NUP210L: variants seen among roughly 807,000 people sequenced by gnomAD.
NUP210L encodes the protein nucleoporin 210 like.
A neutral mutation model predicts 208.5 loss-of-function variants in NUP210L; 74 were observed. The observed-to-expected ratio is 0.35, with a 90% CI of 0.29 to 0.43. The LOEUF (loss-of-function observed/expected upper bound fraction) is 0.43. Ranked by LOEUF, NUP210L falls within the 20% of genes least tolerant of loss-of-function variation. NUP210L has a pLI of 1.00. For missense variants in NUP210L, 1,843 were observed against 2,289.4 expected (o/e 0.81, Z 3.98); for synonymous variants, 780 against 816.9 (o/e 0.95, Z 0.77).
At chr1:154,072,596 T>A (rs1654809101) in intron 16 of NUP210L, among the ~76,000 whole-genome samples, 1 of 151,948 alleles carries the variant, frequency 6.6e-6, no homozygotes, top group Non-Finnish European at 1.5e-5. Flanking sequence ...CCTCCCAAAG[T>A]GTTGGGATTA....
intron 27 of NUP210L, among the ~76,000 whole-genome samples, chr1:154,036,348 G>A (rs1437177252): frequency 7.5e-6 from 1 of 132,514 alleles, no homozygotes; most frequent in East Asian, 2.1e-4. Flanking sequence ...GTGTGTGTGT[G>A]TGTGTGTGTG....
At chr1:154,055,125 TTC>T (rs1481708767) in intron 23 of NUP210L, among the ~76,000 whole-genome samples, 1 of 18,632 alleles carries the variant, frequency 5.4e-5, no homozygotes, top group African/African-American at 2.3e-4. Flanking sequence ...TTTCTTTCTT[TTC>T]TTTCTTTCTT....
exon 31 of NUP210L, chr1:154,023,270 T>C (rs747417407): frequency 3.7e-6 from 6 of 1,611,436 alleles, no homozygotes; most frequent in Middle Eastern, 1.6e-4. Context: ...GGTTGGCTGC[T>C]CACTCGCAGG....
At chr1:154,037,482 A>T (rs562787289) in intron 27 of NUP210L, among the ~76,000 whole-genome samples, 16 of 152,064 alleles carry the variant, frequency 1.1e-4, no homozygotes, top group Non-Finnish European at 2.1e-4. Context: ...TATTTTGTCT[A>T]ATGTAAATAT....
At chr1:154,015,911 A>G (rs1165507698) in intron 33 of NUP210L, among the ~76,000 whole-genome samples, 1 of 71,086 alleles carries the variant, frequency 1.4e-5, no homozygotes, top group African/African-American at 5.6e-5. Context: ...TGTCTCAATA[A>G]ATAAATAAAT....
chr1:154,124,287 T>C (rs1326974161), intron 10 of NUP210L, among the ~76,000 whole-genome samples: 2 of 150,628 alleles, frequency 1.3e-5, no homozygotes, highest in Non-Finnish European at 2.9e-5. Context: ...CACTTAATAA[T>C]GTATTGAATA....
chr1:154,003,588 G>A (rs1244291862), intron 35 of NUP210L, among the ~76,000 whole-genome samples: 1 of 151,912 alleles, frequency 6.6e-6, no homozygotes, highest in South Asian at 2.1e-4. Flanking sequence ...CTGAAACCTT[G>A]AATTCTTGGG....
At chr1:154,041,310 T>TTTTG (rs950644211) in intron 27 of NUP210L, among the ~76,000 whole-genome samples, 116 of 152,160 alleles carry the variant, frequency 7.6e-4, no homozygotes, top group African/African-American at 2.2e-3. Flanking sequence ...TCTGAACCAA[T>TTTTG]TTTGTTTGTT....
intron 15 of NUP210L, among the ~76,000 whole-genome samples, chr1:154,090,931 G>A (rs1365890047): frequency 6.6e-6 from 1 of 151,734 alleles, no homozygotes; most frequent in Admixed American, 6.6e-5. Context: ...AAAATAGTAT[G>A]GTGGTTCCTC....
intron 27 of NUP210L, among the ~76,000 whole-genome samples, chr1:154,034,478 A>C (rs1477637895): frequency 3.3e-5 from 5 of 151,960 alleles, no homozygotes; most frequent in Non-Finnish European, 7.4e-5. Context: ...AGAGGTGCCC[A>C]CCACCATGCC....
At chr1:154,015,765 C>T (rs1438479037) in intron 33 of NUP210L, among the ~76,000 whole-genome samples, 1 of 150,924 alleles carries the variant, frequency 6.6e-6, no homozygotes, top group Non-Finnish European at 1.5e-5. Flanking sequence ...CAGAATTAGC[C>T]GAGTGTGGTG....
At chr1:153,995,994 A>G in intron 37 of NUP210L, 1 of 386,788 alleles carries the variant, frequency 2.6e-6, no homozygotes, top group Non-Finnish European at 5.0e-6. Flanking sequence ...AAATGAGGAG[A>G]CTTAAAAAAA....
rs530681058 is a variant in NUP210L at position 154,058,295 on chromosome 1, CT to C, written c.2980-80del. On this transcript the variant is annotated intron_variant, in intron 21 of 39. Coordinates refer to ENST00000368559, the Ensembl canonical transcript of NUP210L. ...AGTCTAACTCTTAGAGGGCAGTGTACTTTTTTTTTCTTTCATGCTAAATGAT... is the reference window on the plus strand; with the variant it reads ...AGTCTAACTCTTAGAGGGCAGTGTACTTTTTTTTCTTTCATGCTAAATGAT... The C allele has an allele frequency of 8.4e-4, 1,180 of 1,408,018 alleles. 3 individuals carry two copies. Among genetic ancestry groups the C allele is most frequent in the Non-Finnish European group, 1.1e-3 (1,122 of 1,022,122 alleles). The allele number at this position is 1,408,018 out of a possible 1,614,324, so 87.2% of individuals were successfully genotyped here.
rs548168848 is a variant in NUP210L at position 153,995,659 on chromosome 1, A to T, written c.5387-479T>A. On this transcript the variant is annotated intron_variant, in intron 37 of 39. Coordinates refer to ENST00000368559, the Ensembl canonical transcript of NUP210L. Reference sequence around the variant, plus strand: ...GGTCCAGCGTTTGACATACCAACGTAGGCTTTCCTACAATACAGCCTCTAA... The same window carrying T: ...GGTCCAGCGTTTGACATACCAACGTTGGCTTTCCTACAATACAGCCTCTAA... The T allele has an allele frequency of 2.0e-5, 27 of 1,323,468 alleles. No homozygotes were observed. The East Asian group carries it at 3.5e-4, about 17-fold the overall frequency. The allele number at this position is 1,323,468 out of a possible 1,614,324, so 82.0% of individuals were successfully genotyped here.
chr1:153,995,618 T>C, intron 37 of NUP210L: 1 of 1,088,888 alleles, frequency 9.2e-7, no homozygotes, highest in African/African-American at 1.5e-5. Flanking sequence ...GGACGTTGTC[T>C]GCAGGCACTC....
Position 154,005,629 on chromosome 1 carries a change from C to T in NUP210L, c.4931-3644G>A, listed in dbSNP as rs566355114. 2.4e-3 allele frequency among the ~76,000 whole-genome samples: 357 copies of T among 149,464 alleles called. 1 individual carries two copies. Among genetic ancestry groups the T allele is most frequent in the Middle Eastern group, 0.015 (4 of 266 alleles). ...TCAGCTCACCACAACCTCTGCCTCC[C>T]GGGTTCAAGTGATTCTCCTGCCTCA... On this transcript the variant is annotated intron_variant, in intron 35 of 39. Transcript: ENST00000368559.
At chr1:154,083,824 G>A (rs1242984737) in intron 16 of NUP210L, among the ~76,000 whole-genome samples, 2 of 151,934 alleles carry the variant, frequency 1.3e-5, no homozygotes, top group Admixed American at 6.6e-5. Flanking sequence ...GAATGGCACT[G>A]TGGCACAGAA....
chr1:154,083,061 A>T (rs1655430722), intron 16 of NUP210L, among the ~76,000 whole-genome samples: 1 of 152,214 alleles, frequency 6.6e-6, no homozygotes, highest in Non-Finnish European at 1.5e-5. Context: ...AAGAGTAAGA[A>T]GCAGCAAGAT....
At chr1:154,070,449 A>T in exon 17 of NUP210L, 1 of 1,585,648 alleles carries the variant, frequency 6.3e-7, no homozygotes, top group South Asian at 1.2e-5. Context: ...TGTGTCCCTC[A>T]GTCTTGATAC....
Sources: gnomAD v4.1 joint callset for allele counts (sites outside exome capture counted in the v4.1 genomes callset) on GRCh38, gnomAD v4.1.1 for gene constraint, MANE v1.5 for transcripts, NCBI Gene and HGNC (gene_info 2026-07-23, HGNC 2026-07-21) for gene names.